The following MMS22L variants were observed in gnomAD, a reference collection of about 807,000 sequenced individuals.
MMS22L encodes MMS22 like, DNA repair protein, also known as protein MMS22-like.
In MMS22L, 74 loss-of-function variants were observed where a neutral mutation model predicts 159.1. That is an observed-to-expected ratio of 0.47 (90% confidence interval 0.39 to 0.56). The LOEUF is 0.56. MMS22L is among the 20% of genes least tolerant of loss of function. The probability of loss-of-function intolerance (pLI) is 0.00; values close to 1 mark genes in which losing one functional copy is unlikely to be tolerated. For synonymous variants in MMS22L, 517 were observed against 506.9 expected, an observed-to-expected ratio of 1.02 and a Z score of -0.27; for missense variants, 1,351 against 1,422.1, an observed-to-expected ratio of 0.95 and a Z score of 0.80.
At chr6:97,244,347 G>A (rs74971918) in intron 11 of MMS22L, among the ~76,000 whole-genome samples, 3,101 of 152,148 alleles carry the variant, frequency 0.02, 106 homozygotes, top group African/African-American at 0.071. Flanking sequence ...TTCTATCTTC[G>A]GCTACCAGGT....
chr6:97,281,453 T>A, intron 2 of MMS22L, 91 bp from the exon 3 acceptor site: 1 of 1,068,034 alleles, frequency 9.4e-7, no homozygotes, highest in Non-Finnish European at 1.3e-6. Flanking sequence ...ATCCATATTA[T>A]ACATGACATG....
chr6:97,229,746 TATA>T (rs1562484176), intron 13 of MMS22L, among the ~76,000 whole-genome samples: 1 of 152,198 alleles, frequency 6.6e-6, no homozygotes, highest in Non-Finnish European at 1.5e-5. Context: ...AGAAAGAATA[TATA>T]ATCTTTTAAA....
chr6:97,206,653 G>T (rs976939343), intron 14 of MMS22L, among the ~76,000 whole-genome samples: 1 of 152,046 alleles, frequency 6.6e-6, no homozygotes, highest in Non-Finnish European at 1.5e-5. Flanking sequence ...AGTGGGGAAA[G>T]ACTTTTTTGT....
chr6:97,191,543 T>C (rs553784194), intron 14 of MMS22L, among the ~76,000 whole-genome samples: 2 of 152,236 alleles, frequency 1.3e-5, no homozygotes, highest in Admixed American at 1.3e-4. Context: ...ACAGCAATAA[T>C]TGAATTCTTT....
intron 18 of MMS22L, among the ~76,000 whole-genome samples, chr6:97,178,022 C>T (rs1562422089): frequency 6.6e-6 from 1 of 152,122 alleles, no homozygotes; most frequent in African/African-American, 2.4e-5. Context: ...ACTATACTAT[C>T]ATACGAAGTA....
At chr6:97,211,808 T>C (rs1018536063) in intron 14 of MMS22L, among the ~76,000 whole-genome samples, 3 of 152,092 alleles carry the variant, frequency 2.0e-5, no homozygotes, top group Non-Finnish European at 2.9e-5. Context: ...TGTGTACAAG[T>C]AGCAAAGTTA....
At chr6:97,197,346 C>G (rs6932480) in intron 14 of MMS22L, among the ~76,000 whole-genome samples, 84,857 of 151,886 alleles carry the variant, frequency 0.56, 24,887 homozygotes, top group African/African-American at 0.74. Flanking sequence ...GTGGGTACAA[C>G]GTAATGAACG....
Position 97,165,257 on chromosome 6 carries a change from C to T in MMS22L, c.3210G>A (p.Val1070=). 6.2e-7 allele frequency: 1 copy of T among 1,612,046 alleles called. No individual in the cohort carries two copies. Among genetic ancestry groups the T allele is most frequent in the Non-Finnish European group, 8.5e-7 (1 of 1,178,566 alleles). The stretch of plus-strand genomic sequence containing the variant: ...ATATTTAGATGTACCTTATGACTTG[C>T]ACAATGCATTTCTTTAGAGATGATA... ...PPISSLKKCI[V]QVIRKSYLEY... Residue 1070 remains valine, a synonymous_variant, in exon 21 of 25, where the codon GTG becomes GTA. Coordinates refer to ENST00000683635, the MANE Select transcript of MMS22L (RefSeq NM_001350599.2).
At chr6:97,165,503 G>A in intron 20 of MMS22L, 46 bp from the exon 21 acceptor site, 1 of 1,489,710 alleles carries the variant, frequency 6.7e-7, no homozygotes, top group Non-Finnish European at 9.2e-7. Context: ...AAGTTTCAAA[G>A]AACAAACAAT....
chr6:97,176,862 T>G (rs1804178707), intron 18 of MMS22L, among the ~76,000 whole-genome samples: 1 of 152,148 alleles, frequency 6.6e-6, no homozygotes, highest in Non-Finnish European at 1.5e-5. Flanking sequence ...CCTCTGTTAA[T>G]AAGTCATAGC....
chr6:97,161,000 T>G (rs1802380035), intron 22 of MMS22L, among the ~76,000 whole-genome samples: 1 of 152,090 alleles, frequency 6.6e-6, no homozygotes, highest in South Asian at 2.1e-4. Flanking sequence ...TTCCTTTAGT[T>G]CTATATTTAT....
chr6:97,161,611 A>G (rs528843146), intron 22 of MMS22L, among the ~76,000 whole-genome samples: 47 of 152,202 alleles, frequency 3.1e-4, no homozygotes, highest in Non-Finnish European at 5.4e-4. Context: ...AAATCAGCTT[A>G]GATATTCCAG....
At chr6:97,209,739 TA>T (rs1808171546) in intron 14 of MMS22L, among the ~76,000 whole-genome samples, 1 of 152,000 alleles carries the variant, frequency 6.6e-6, no homozygotes, top group South Asian at 2.1e-4. Flanking sequence ...AATACATATC[TA>T]AAAATCACTC....
In MMS22L at chr6:97,229,645, A is replaced by C. The variant is rs183431597; in HGVS notation, c.1530-242T>G. Among the ~76,000 whole-genome samples the C allele has an allele frequency of 1.9e-4, 29 of 152,288 alleles. No individual in the cohort carries two copies. In the East Asian group the frequency reaches 5.6e-3, roughly 29 times the overall value. The stretch of plus-strand genomic sequence containing the variant: ...CAAAGGATTCAATGGCTTTCCCCAA[A>C]GGAAAGTAGAAATGTTTTCATATAG... On this transcript the variant is annotated intron_variant, in intron 13 of 24. Transcript: ENST00000683635.
At chr6:97,198,674 G>T (rs894385954) in intron 14 of MMS22L, among the ~76,000 whole-genome samples, 23 of 152,074 alleles carry the variant, frequency 1.5e-4, no homozygotes, top group African/African-American at 5.3e-4. Flanking sequence ...CCACAGGGTA[G>T]TATCTACAAT....
intron 14 of MMS22L, among the ~76,000 whole-genome samples, chr6:97,202,675 C>A (rs1009976059): frequency 1.3e-5 from 2 of 152,168 alleles, no homozygotes; most frequent in African/African-American, 4.8e-5. Context: ...GGAATTATAA[C>A]CCAGGTGTAT....
rs371397263 is a variant in MMS22L at position 97,229,144 on chromosome 6, A to T, written c.1789T>A (p.Cys597Ser). The T allele has an allele frequency of 1.9e-5, 30 of 1,614,166 alleles. No homozygotes were observed. Among genetic ancestry groups the T allele is most frequent in the Non-Finnish European group, 2.4e-5 (28 of 1,180,018 alleles). Residue 597 changes from cysteine to serine, a missense_variant, in exon 14 of 25, where the codon TGT becomes AGT. Transcript: ENST00000683635. ...TCCTTTGCTTTCTCCCGGAAAGCAC[A>T]TGAAAATTTCTCAGCCAAAACACCA... ...DIGVLAEKFS[C>S]AFREKAKEFL... is the part of the protein sequence containing the mutation.
At position 97,168,113 on chromosome 6, in the gene MMS22L, A is replaced by G. The variant is rs150612241; in HGVS notation, c.2967T>C (p.Pro989=). The G allele has an allele frequency of 3.7e-6, 6 of 1,612,694 alleles. No homozygotes were observed. In the African/African-American group the frequency reaches 8.0e-5, roughly 22 times the overall value. ...GACTTTTCTGAATTGCTGACAACATAGGTGCAGGCAGTTCCTTCTCTTGCT... is the reference window on the plus strand; with the variant it reads ...GACTTTTCTGAATTGCTGACAACATGGGTGCAGGCAGTTCCTTCTCTTGCT... ...VLQQEKELPA[P]MLSAIQKSLP... The change falls in exon 20 of 25, where the codon CCT becomes CCC. Residue 989 remains proline (P), a synonymous_variant. Transcript: ENST00000683635.
chr6:97,270,167 G>A, intron 6 of MMS22L, 175 bp from the exon 7 acceptor site: 1 of 645,390 alleles, frequency 1.5e-6, no homozygotes, highest in Non-Finnish European at 2.8e-6. Context: ...TTTCACTGAA[G>A]ATCTTTGAAA....
Sources: gnomAD v4.1 joint callset for allele counts (sites outside exome capture counted in the v4.1 genomes callset) on GRCh38, gnomAD v4.1.1 for gene constraint, MANE v1.5 for transcripts, NCBI Gene and HGNC (gene_info 2026-07-23, HGNC 2026-07-21) for gene names.